IL34: variants seen among roughly 807,000 people sequenced by gnomAD.
IL34 encodes interleukin-34.
Under a neutral mutation model 25.3 loss-of-function variants are expected in IL34, and 17 were observed. The observed-to-expected ratio is 0.67, with a 90% CI of 0.46 to 1.01. IL34 has a LOEUF of 1.01. IL34 is among the 50% of genes least tolerant of loss of function. The pLI, the probability that IL34 is intolerant of heterozygous loss-of-function variation, is 0.00. For missense variants in IL34, 368 were observed against 312.9 expected (o/e 1.18, Z -1.33); for synonymous variants, 174 against 140.9 (o/e 1.23, Z -1.66).
chr16:70,607,859 G>T (rs2051030896), intron 1 of IL34, among the ~76,000 whole-genome samples: 1 of 151,770 alleles, frequency 6.6e-6, no homozygotes, highest in South Asian at 2.1e-4. Context: ...CTGCCTCCTG[G>T]GTTCAAGCAA....
At chr16:70,616,544 G>C (rs1382535852) in intron 1 of IL34, among the ~76,000 whole-genome samples, 1 of 152,164 alleles carries the variant, frequency 6.6e-6, no homozygotes, top group Non-Finnish European at 1.5e-5. Context: ...CAACATGTCT[G>C]TTTATTTCAC....
chr16:70,609,946 G>A (rs1446925953), intron 1 of IL34, among the ~76,000 whole-genome samples: 2 of 152,206 alleles, frequency 1.3e-5, no homozygotes, highest in Admixed American at 6.5e-5. Context: ...GCTCATGCCT[G>A]TAATCCCAGC....
Position 70,623,371 on chromosome 16 carries a change from T to G in IL34, c.-400-23177T>G, listed in dbSNP as rs12932251. On this transcript the variant is annotated intron_variant, in intron 1 of 6. Transcript: ENST00000429149. ...CATAGGGTGGATAGGCAAAACAATT[T>G]GGTTGATAAGGCACAGATCCTGAAC... Among the ~76,000 whole-genome samples, 900 of 151,968 alleles carry G rather than the reference T, an allele frequency of 5.9e-3. 7 individuals carry two copies. The highest frequency in any genetic ancestry group is 0.017 in the Middle Eastern group (5 of 292).
intron 1 of IL34, 64 bp from the exon 2 acceptor site, chr16:70,654,474 G>A: frequency 1.3e-6 from 2 of 1,526,390 alleles, no homozygotes; most frequent in Non-Finnish European, 8.9e-7. Flanking sequence ...TCGGCTTTGC[G>A]TGTTGTGGAC....
chr16:70,608,126 C>CTTTTTTTTTT (rs869059231), intron 1 of IL34, among the ~76,000 whole-genome samples: 1 of 38,872 alleles, frequency 2.6e-5, no homozygotes, highest in Non-Finnish European at 6.3e-5. Flanking sequence ...TTTCTTTTTT[C>CTTTTTTTTTT]TTTTTTTTTT....
intron 1 of IL34, among the ~76,000 whole-genome samples, chr16:70,625,371 AAAT>A (rs1013628497): frequency 1.3e-5 from 2 of 152,048 alleles, no homozygotes; most frequent in African/African-American, 4.8e-5. Flanking sequence ...TGGGGCACAG[AAAT>A]AAGAGGTTGG....
intron 1 of IL34, among the ~76,000 whole-genome samples, chr16:70,612,152 T>C (rs2051100767): frequency 2.0e-5 from 3 of 152,232 alleles, no homozygotes; most frequent in Non-Finnish European, 4.4e-5. Context: ...GGGCTGTGTG[T>C]TCTGTAGTCT....
chr16:70,607,822 T>C (rs937937119), intron 1 of IL34, among the ~76,000 whole-genome samples: 4 of 152,104 alleles, frequency 2.6e-5, no homozygotes, highest in African/African-American at 9.7e-5. Context: ...TGGAGTGCAG[T>C]GGCGTGATCT....
At chr16:70,628,485 A>AT (rs2051444542) in intron 1 of IL34, among the ~76,000 whole-genome samples, 1 of 149,394 alleles carries the variant, frequency 6.7e-6, no homozygotes, top group South Asian at 2.1e-4. Context: ...TTATTTATTT[A>AT]TTTATTTATT....
In IL34 at chr16:70,656,690, CT is replaced by C. The variant is rs2052232296; in HGVS notation, c.240+13del. 1 of 1,251,254 alleles carries C rather than the reference CT, an allele frequency of 8.0e-7. No homozygotes were observed. The highest frequency in any genetic ancestry group is 1.2e-6 in the Non-Finnish European group (1 of 848,268). 77.5% of individuals were successfully genotyped at this position (1,251,254 alleles called of 1,614,324 possible). ...AACGTCACCAGGCTGGTGAGAATCC[CT>C]TCCTGGGCTGGGGGGACCCTGCCTC... On this transcript the variant is annotated intron_variant, in intron 3 of 5. Coordinates refer to ENST00000288098, the MANE Select transcript of IL34 (RefSeq NM_001393494.1).
chr16:70,591,120 A>G (rs941575529), intron 1 of IL34, among the ~76,000 whole-genome samples: 4 of 152,156 alleles, frequency 2.6e-5, no homozygotes, highest in African/African-American at 4.8e-5. Flanking sequence ...CTGCCATTCA[A>G]CGAGACACTC....
At chr16:70,624,020 CGG>C in intron 1 of IL34, among the ~76,000 whole-genome samples, 1 of 151,732 alleles carries the variant, frequency 6.6e-6, no homozygotes, top group East Asian at 1.9e-4. Context: ...TGATGGTCTA[CGG>C]GGCTTTCGAG....
At chr16:70,598,520 C>T (rs753383323) in intron 1 of IL34, among the ~76,000 whole-genome samples, 1 of 152,120 alleles carries the variant, frequency 6.6e-6, no homozygotes, top group African/African-American at 2.4e-5. Flanking sequence ...TGGCGGATCA[C>T]CTGAGGTCAA....
intron 1 of IL34, among the ~76,000 whole-genome samples, chr16:70,625,464 A>C (rs999881979): frequency 1.3e-5 from 2 of 151,974 alleles, no homozygotes; most frequent in African/African-American, 4.8e-5. Flanking sequence ...GAAGGGGTTG[A>C]GGGGTACTTG....
In IL34 at chr16:70,633,942, C is replaced by A. The variant is rs529910308; in HGVS notation, c.-400-12606C>A. Among the ~76,000 whole-genome samples the A allele has an allele frequency of 2.0e-5, 3 of 152,152 alleles. No homozygotes were observed. In the East Asian group the frequency reaches 5.8e-4, roughly 29 times the overall value. ...CTTGGCTCACTGCAACCTCCGCCTCCTGGGTTCAAGCGATTCTGCTGCCTC... is the reference window on the plus strand; with the variant it reads ...CTTGGCTCACTGCAACCTCCGCCTCATGGGTTCAAGCGATTCTGCTGCCTC... On this transcript the variant is annotated intron_variant, in intron 1 of 6. Transcript: ENST00000429149.
At chr16:70,618,290 T>G (rs148881423) in intron 1 of IL34, among the ~76,000 whole-genome samples, 4,935 of 151,214 alleles carry the variant, frequency 0.033, 316 homozygotes, top group African/African-American at 0.11. Context: ...GAAATGGGGT[T>G]AATGTCAGGT....
intron 1 of IL34, among the ~76,000 whole-genome samples, chr16:70,631,175 CTT>C (rs2051510066): frequency 6.6e-6 from 1 of 152,178 alleles, no homozygotes; most frequent in South Asian, 2.1e-4. Flanking sequence ...AATAAAGTCT[CTT>C]TGGTTTTTCC....
intron 2 of IL34, among the ~76,000 whole-genome samples, chr16:70,655,343 G>T (rs576426037): frequency 8.6e-5 from 13 of 150,726 alleles, no homozygotes; most frequent in Non-Finnish European, 1.9e-4. Context: ...GAGCCACTGC[G>T]CCCGGCCCTT....
At chr16:70,609,128 A>G (rs143017443) in intron 1 of IL34, among the ~76,000 whole-genome samples, 2,267 of 152,246 alleles carry the variant, frequency 0.015, 64 homozygotes, top group African/African-American at 0.052. Context: ...CCCAGGCTGA[A>G]GTGCAGTGGT....
Sources: gnomAD v4.1 joint callset for allele counts (sites outside exome capture counted in the v4.1 genomes callset) on GRCh38, gnomAD v4.1.1 for gene constraint, MANE v1.5 for transcripts, NCBI Gene and HGNC (gene_info 2026-07-23, HGNC 2026-07-21) for gene names.